Variants in CLASP1 observed in about 807,000 individuals in gnomAD.
The protein encoded by CLASP1 is CLIP-associating protein 1.
CLASP1 carries 38 observed loss-of-function variants against 192.3 expected under a neutral mutation model. The ratio of observed to expected loss-of-function variants is 0.20; its 90% confidence interval spans 0.15 to 0.26. The LOEUF is 0.26. Among genes scored for constraint, CLASP1 ranks in the 10% least tolerant of loss-of-function variants. The pLI is 1.00. For synonymous variants in CLASP1, 691 were observed against 712.8 expected (o/e 0.97, Z 0.49); for missense variants, 1,433 against 1,932.5 (o/e 0.74, Z 4.85).
chr2:121,545,788 G>C (rs1559574957), intron 2 of CLASP1, among the ~76,000 whole-genome samples: 1 of 151,898 alleles, frequency 6.6e-6, no homozygotes, highest in Non-Finnish European at 1.5e-5. Flanking sequence ...CAAAGAAATA[G>C]CTGGTGACAA....
intron 24 of CLASP1, chr2:121,408,970 T>C: frequency 6.8e-7 from 1 of 1,478,760 alleles, no homozygotes; most frequent in Admixed American, 2.2e-5. Flanking sequence ...CTAAAAGAAA[T>C]ATACTTGCAA....
chr2:121,614,928 G>A (rs942112129), intron 1 of CLASP1, among the ~76,000 whole-genome samples: 6 of 152,200 alleles, frequency 3.9e-5, no homozygotes, highest in African/African-American at 1.4e-4. Flanking sequence ...ACGTGAATAA[G>A]CACTATGAAA....
intron 1 of CLASP1, among the ~76,000 whole-genome samples, chr2:121,636,691 A>T: frequency 6.6e-6 from 1 of 152,048 alleles, no homozygotes; most frequent in Non-Finnish European, 1.5e-5. Flanking sequence ...ATAATAATAA[A>T]TTTTTTAAAA....
At chr2:121,569,783 G>A (rs551264696) in intron 2 of CLASP1, among the ~76,000 whole-genome samples, 1 of 152,138 alleles carries the variant, frequency 6.6e-6, no homozygotes, top group African/African-American at 2.4e-5. Context: ...CAAGGCTGCA[G>A]TGAGCCAAGA....
rs565378903 is a variant in CLASP1, at chr2:121,491,913, T to C, written c.712+11254A>G. ...TCAGAGAACAACATAATTTTGAACA[T>C]CTGAAGATATACAAACCCTTGATAA... is the stretch of plus-strand genomic sequence containing the variant. On this transcript the variant is annotated intron_variant, in intron 8 of 39. Transcript: ENST00000263710. Among the ~76,000 whole-genome samples, 7 of 152,316 alleles carry C rather than the reference T, an allele frequency of 4.6e-5. No homozygotes were observed. In the South Asian group the frequency reaches 1.2e-3, roughly 27 times the overall value.
At chr2:121,459,913 G>A in intron 12 of CLASP1, 67 bp downstream of exon 12, 1 of 1,443,626 alleles carries the variant, frequency 6.9e-7, no homozygotes, top group East Asian at 2.3e-5. Context: ...CATGTTCAAG[G>A]AGACATCTCT....
At chr2:121,432,273 C>A (rs1243192572) in intron 19 of CLASP1, among the ~76,000 whole-genome samples, 1 of 152,116 alleles carries the variant, frequency 6.6e-6, no homozygotes, top group Non-Finnish European at 1.5e-5. Context: ...CATGCCACCA[C>A]ACACCTGGCT....
At chr2:121,530,293 G>T in exon 3 of CLASP1, 1 of 1,552,336 alleles carries the variant, frequency 6.4e-7, no homozygotes, top group Non-Finnish European at 8.7e-7. Flanking sequence ...GGGTCACCAG[G>T]GCGGACAGGA....
At chr2:121,512,713 C>A (rs1056475681) in intron 7 of CLASP1, among the ~76,000 whole-genome samples, 1 of 152,104 alleles carries the variant, frequency 6.6e-6, no homozygotes, top group Non-Finnish European at 1.5e-5. Context: ...TTCTCAACTG[C>A]GAAATGGACA....
At chr2:121,458,751 T>A (rs527258960) in intron 13 of CLASP1, 89 bp downstream of exon 13, 2 of 1,001,380 alleles carry the variant, frequency 2.0e-6, no homozygotes, top group Admixed American at 3.4e-5. Context: ...TGACTCAATA[T>A]AATTATGTTA....
chr2:121,450,420 C>T (rs2085240075), intron 16 of CLASP1, among the ~76,000 whole-genome samples: 1 of 152,122 alleles, frequency 6.6e-6, no homozygotes, highest in Admixed American at 6.5e-5. Context: ...GCAAAAGTAC[C>T]TCACTTGTTG....
At chr2:121,551,886 T>C (rs904045498) in intron 2 of CLASP1, among the ~76,000 whole-genome samples, 12 of 151,962 alleles carry the variant, frequency 7.9e-5, no homozygotes, top group Non-Finnish European at 1.5e-4. Context: ...AAAGCCCAAA[T>C]AGTCAAGGCA....
intron 8 of CLASP1, among the ~76,000 whole-genome samples, chr2:121,494,990 C>T (rs2093467997): frequency 6.6e-6 from 1 of 151,904 alleles, no homozygotes; most frequent in Non-Finnish European, 1.5e-5. Flanking sequence ...CCACTGCACT[C>T]CAGCCTGGGT....
At chr2:121,572,488 T>C (rs1248915713) in intron 2 of CLASP1, among the ~76,000 whole-genome samples, 1 of 152,096 alleles carries the variant, frequency 6.6e-6, no homozygotes, top group Non-Finnish European at 1.5e-5. Flanking sequence ...TAGGCACACA[T>C]TCTTAAGGGT....
chr2:121,407,910 C>CTT, intron 24 of CLASP1, 195 bp from the exon 26 acceptor site: 1 of 746,252 alleles, frequency 1.3e-6, no homozygotes, highest in South Asian at 1.4e-5. Flanking sequence ...ATAAGCAAAG[C>CTT]ACTCTGTAGT....
intron 8 of CLASP1, among the ~76,000 whole-genome samples, chr2:121,500,128 G>A (rs1351950974): frequency 6.6e-6 from 1 of 152,076 alleles, no homozygotes; most frequent in Non-Finnish European, 1.5e-5. Context: ...GTTCAGAAAG[G>A]TTGTAATCTA....
intron 19 of CLASP1, among the ~76,000 whole-genome samples, chr2:121,438,407 T>C (rs938139864): frequency 2.0e-5 from 3 of 152,154 alleles, no homozygotes; most frequent in African/African-American, 7.2e-5. Flanking sequence ...ATAAAGAGGA[T>C]TTTTTGTGTT....
intron 8 of CLASP1, among the ~76,000 whole-genome samples, chr2:121,478,753 A>C (rs531051296): frequency 0.016 from 591 of 36,984 alleles, 2 homozygotes; most frequent in Middle Eastern, 0.047. Flanking sequence ...CACACACACC[A>C]CACACACACC....
chr2:121,372,635 G>A (rs1465387170), intron 34 of CLASP1, among the ~76,000 whole-genome samples: 3 of 152,188 alleles, frequency 2.0e-5, no homozygotes, highest in African/African-American at 4.8e-5. Flanking sequence ...AGCCCCAGAA[G>A]ACTTCTGATT....
Sources: allele counts gnomAD v4.1 joint callset (sites outside exome capture counted in the v4.1 genomes callset), GRCh38; gene constraint gnomAD v4.1.1; transcripts MANE v1.5; gene names NCBI Gene and HGNC (gene_info 2026-07-23, HGNC 2026-07-21).